Variants in NFIB observed in about 807,000 individuals in gnomAD.
NFIB encodes the protein nuclear factor I B.
In NFIB, 11 loss-of-function variants were observed where a neutral mutation model predicts 61.5. The observed-to-expected ratio is 0.18, with a 90% confidence interval of 0.11 to 0.30. The LOEUF (loss-of-function observed/expected upper bound fraction) is 0.30, where lower values mean the gene tolerates loss of function less well. Among genes scored for constraint, NFIB ranks in the 10% least tolerant of loss-of-function variants. The pLI is 1.00. For synonymous variants in NFIB, 260 were observed against 216.5 expected (o/e 1.20, Z -1.76); for missense variants, 471 against 608.9 (o/e 0.77, Z 2.38).
rs1384659088 is a variant in NFIB at position 14,143,989 on chromosome 9, A to AGT, written c.925+2699_925+2700insAC. 9.8e-5 allele frequency among the ~76,000 whole-genome samples: 6 copies of AGT among 61,310 alleles called. No homozygotes were observed. The East Asian group carries it at 1.4e-3, about 15-fold the overall frequency. 40.2% of individuals were successfully genotyped at this position (61,310 alleles called of 152,430 possible). A position where few individuals can be genotyped will look rare whatever the true frequency, so the allele number is the denominator to read the frequency against. On this transcript the variant is annotated intron_variant, in intron 6 of 10. Transcript: ENST00000380953. ...TCAGGGTCTTCAGAATTAAAGTGAC[A>AGT]GAGTGTGTGTGTGTGTGTGTGTGTG... is the stretch of plus-strand genomic sequence containing the variant.
At chr9:14,328,319 A>AT (rs2060779625) in intron 1 of NFIB, among the ~76,000 whole-genome samples, 2 of 151,946 alleles carry the variant, frequency 1.3e-5, no homozygotes, top group Admixed American at 6.6e-5. Context: ...AATTTTTTAC[A>AT]TTTTTTTGTA....
At chr9:14,110,268 T>C (rs1041930430) in intron 10 of NFIB, among the ~76,000 whole-genome samples, 1 of 152,050 alleles carries the variant, frequency 6.6e-6, no homozygotes, top group African/African-American at 2.4e-5. Flanking sequence ...AGTTCTTTTC[T>C]AAGAAAAACA....
At chr9:14,340,109 G>A (rs566825782) in intron 1 of NFIB, among the ~76,000 whole-genome samples, 1 of 152,226 alleles carries the variant, frequency 6.6e-6, no homozygotes, top group Non-Finnish European at 1.5e-5. Flanking sequence ...TTGTAAAGTG[G>A]GGCTCTAACT....
intron 1 of NFIB, among the ~76,000 whole-genome samples, chr9:14,323,911 G>C (rs1020484183): frequency 6.6e-6 from 1 of 152,144 alleles, no homozygotes; most frequent in African/African-American, 2.4e-5. Context: ...GATAATAAGT[G>C]CAAAACTAAA....
chr9:14,422,807 T>G, the NFIB span, among the ~76,000 whole-genome samples: 1 of 152,098 alleles, frequency 6.6e-6, no homozygotes, highest in South Asian at 2.1e-4. Flanking sequence ...CTGCCAGCCA[T>G]AGATAGCCCT....
chr9:14,293,792 A>G (rs185665905), intron 2 of NFIB, among the ~76,000 whole-genome samples: 25 of 152,320 alleles, frequency 1.6e-4, no homozygotes, highest in Admixed American at 1.6e-3. Flanking sequence ...TCCGTTTCAT[A>G]TTGCATATAT....
At chr9:14,345,413 T>C (rs2061006453) in intron 1 of NFIB, among the ~76,000 whole-genome samples, 1 of 152,182 alleles carries the variant, frequency 6.6e-6, no homozygotes, top group African/African-American at 2.4e-5. Context: ...AATCCCATCT[T>C]TCTCCATTCT....
chr9:14,086,316 A>G lies in NFIB; in HGVS notation c.*1993T>C, dbSNP rs1049627920. 3.1e-5 allele frequency: 7 copies of G among 222,540 alleles called. No individual in the cohort carries two copies. Among genetic ancestry groups the G allele is most frequent in the Non-Finnish European group, 6.3e-5 (7 of 111,150 alleles). The allele number at this position is 222,540 out of a possible 1,614,324, so 13.8% of individuals were successfully genotyped here. ...TCAGTACACAAAAGGACCTCATCAC[A>G]CTGCAAAAATAGCAGTACCCACTTT... On this transcript the variant is annotated 3_prime_UTR_variant, in exon 11 of 11. Coordinates refer to ENST00000380953, the MANE Select transcript of NFIB (RefSeq NM_001190737.2).
At chr9:14,339,780 C>CT (rs2060928781) in intron 1 of NFIB, among the ~76,000 whole-genome samples, 1 of 152,104 alleles carries the variant, frequency 6.6e-6, no homozygotes. Context: ...TTGTAAGAGA[C>CT]TAGGGGAGAG....
intron 4 of NFIB, among the ~76,000 whole-genome samples, chr9:14,151,311 A>C (rs1036808764): frequency 2.0e-5 from 3 of 152,160 alleles, no homozygotes; most frequent in African/African-American, 7.2e-5. Context: ...TGTTAAAAGC[A>C]GAGGAAGAGG....
At chr9:14,453,508 T>C in the NFIB span, among the ~76,000 whole-genome samples, 6 of 152,252 alleles carry the variant, frequency 3.9e-5, no homozygotes, top group Admixed American at 2.0e-4. Flanking sequence ...AGCACTTTAA[T>C]GTCAACAGAG....
chr9:14,270,989 C>T (rs1172621074), intron 2 of NFIB, among the ~76,000 whole-genome samples: 2 of 152,078 alleles, frequency 1.3e-5, no homozygotes, highest in Non-Finnish European at 2.9e-5. Context: ...CAGATTCGCT[C>T]CCATGTGGAT....
At chr9:14,216,860 T>G (rs571103369) in intron 2 of NFIB, among the ~76,000 whole-genome samples, 1 of 152,358 alleles carries the variant, frequency 6.6e-6, no homozygotes, top group East Asian at 1.9e-4. Flanking sequence ...GGCCTGTAAC[T>G]AAAGCCATTT....
chr9:14,336,233 C>T (rs752786523), intron 1 of NFIB, among the ~76,000 whole-genome samples: 1 of 152,242 alleles, frequency 6.6e-6, no homozygotes, highest in Non-Finnish European at 1.5e-5. Context: ...CATGAAGCTG[C>T]AATTAGCACC....
chr9:14,289,267 C>T (rs1040421539), intron 2 of NFIB, among the ~76,000 whole-genome samples: 19 of 149,896 alleles, frequency 1.3e-4, no homozygotes, highest in African/African-American at 4.4e-4. Context: ...CACACATATA[C>T]ATGTACATAC....
Position 14,113,002 on chromosome 9 carries a change from T to C in NFIB, c.1464A>G (p.Gln488=), listed in dbSNP as rs1445885548. ...CACCTGGGTGAAACTTGCCCACCTG[T>C]TGCTGATGTAGGAAGGATGGGTCTC... The part of the protein sequence containing the change: ...SPRDPSFLHQ[Q]QSWYLG Residue 488 remains glutamine, a synonymous_variant, in exon 10 of 11, where the codon CAA becomes CAG. Transcript: ENST00000380953. 4 of 1,550,118 alleles carry C rather than the reference T, an allele frequency of 2.6e-6. No individual in the cohort carries two copies. The highest frequency in any genetic ancestry group is 2.4e-5 in the East Asian group (1 of 40,896).
intron 2 of NFIB, among the ~76,000 whole-genome samples, chr9:14,257,180 C>T (rs961514452): frequency 6.6e-6 from 1 of 152,102 alleles, no homozygotes; most frequent in Non-Finnish European, 1.5e-5. Context: ...AGGTTCCTCA[C>T]CTATAAAATG....
exon 1 of NFIB, chr9:14,398,583 C>T (rs1373157124): frequency 6.5e-7 from 1 of 1,535,190 alleles, no homozygotes; most frequent in South Asian, 1.2e-5. Flanking sequence ...CATTTCAGAA[C>T]TGCACAGCAG....
In NFIB at chr9:14,299,519, A is replaced by T. The variant is rs540638522; in HGVS notation, c.562+7470T>A. ...TGAAATAATTCTTTTCTTAAAGGTAATTCTTATTTTATTTCGCACTTGTTT... is the reference window on the plus strand; with the variant it reads ...TGAAATAATTCTTTTCTTAAAGGTATTTCTTATTTTATTTCGCACTTGTTT... On this transcript the variant is annotated intron_variant, in intron 2 of 10. Coordinates refer to ENST00000380953, the MANE Select transcript of NFIB (RefSeq NM_001190737.2). Among the ~76,000 whole-genome samples the T allele has an allele frequency of 2.0e-5, 3 of 152,344 alleles. No homozygotes were observed. The East Asian group carries it at 5.8e-4, about 29-fold the overall frequency.
Sources: gnomAD v4.1 joint callset for allele counts (sites outside exome capture counted in the v4.1 genomes callset) on GRCh38, gnomAD v4.1.1 for gene constraint, MANE v1.5 for transcripts, NCBI Gene and HGNC (gene_info 2026-07-23, HGNC 2026-07-21) for gene names.